Variants in ABHD17C observed in about 807,000 individuals in gnomAD.
The protein encoded by ABHD17C is abhydrolase domain containing 17C, depalmitoylase.
In ABHD17C, 11 loss-of-function variants were observed where a neutral mutation model predicts 27.9. That is an observed-to-expected ratio of 0.39 (90% CI 0.25 to 0.65). ABHD17C has a LOEUF of 0.65. Among genes scored for constraint, ABHD17C ranks in the 30% least tolerant of loss-of-function variants. The pLI is 0.45. For missense variants in ABHD17C, 280 were observed against 470.2 expected (o/e 0.60, Z 3.74); for synonymous variants, 233 against 209.1 (o/e 1.11, Z -0.98).
intron 1 of ABHD17C, among the ~76,000 whole-genome samples, chr15:80,743,199 G>A (rs1895233389): frequency 6.6e-6 from 1 of 152,152 alleles, no homozygotes; most frequent in Non-Finnish European, 1.5e-5. Context: ...GCGCTCAAGT[G>A]GAAGGTTAAC....
intron 1 of ABHD17C, among the ~76,000 whole-genome samples, chr15:80,701,908 G>A (rs1045448318): frequency 1.3e-5 from 2 of 152,130 alleles, no homozygotes; most frequent in Admixed American, 6.5e-5. Context: ...GTTTCCAAGT[G>A]CTCTTTTGTC....
chr15:80,713,898 G>GA (rs1431726402), intron 1 of ABHD17C, among the ~76,000 whole-genome samples: 9 of 87,918 alleles, frequency 1.0e-4, no homozygotes, highest in African/African-American at 3.4e-4. Flanking sequence ...TCCATATACA[G>GA]ACCACACACA....
intron 1 of ABHD17C, among the ~76,000 whole-genome samples, chr15:80,745,551 G>A (rs1228790833): frequency 1.3e-5 from 2 of 152,022 alleles, no homozygotes; most frequent in African/African-American, 4.8e-5. Flanking sequence ...TTATTTTGTG[G>A]AGATGGTGTC....
At chr15:80,751,159 G>A (rs1895359883) in intron 2 of ABHD17C, among the ~76,000 whole-genome samples, 1 of 151,600 alleles carries the variant, frequency 6.6e-6, no homozygotes, top group African/African-American at 2.4e-5. Flanking sequence ...AAACCAGCCT[G>A]GGTAACATGG....
intron 2 of ABHD17C, among the ~76,000 whole-genome samples, chr15:80,752,592 A>T (rs971098867): frequency 6.6e-6 from 1 of 152,224 alleles, no homozygotes; most frequent in African/African-American, 2.4e-5. Context: ...AGTGCAAAGC[A>T]CCCGGCTATG....
chr15:80,750,748 G>C (rs968562013), intron 2 of ABHD17C, among the ~76,000 whole-genome samples: 1 of 152,080 alleles, frequency 6.6e-6, no homozygotes, highest in Admixed American at 6.6e-5. Flanking sequence ...TGCTAAGTAG[G>C]GCTAATGTGC....
Position 80,695,846 on chromosome 15 carries a change from C to A in ABHD17C, c.417C>A (p.His139Gln). 1 of 1,592,584 alleles carries A rather than the reference C, an allele frequency of 6.3e-7. No homozygotes were observed. ...PSSRYTLLFSHGNAVDLGQMC... is the reference protein window; with the variant it reads ...PSSRYTLLFSQGNAVDLGQMC... ...GCCGCTACACGCTGCTCTTCTCGCA[C>A]GGCAACGCCGTGGACCTGGGCCAGA... Residue 139 changes from histidine to glutamine, a missense_variant, in exon 1 of 3, where the codon CAC becomes CAA. Around this residue, in one of 2 missense-constraint regions of ABHD17C, gnomAD observed 206 missense variants for 394.7 expected, o/e 0.52. Coordinates refer to ENST00000258884, the MANE Select transcript of ABHD17C (RefSeq NM_021214.2). The surrounding 1 kb of genome is among the most constrained non-coding windows in gnomAD (Gnocchi z 4.3).
chr15:80,729,126 A>C (rs1410778723), intron 1 of ABHD17C, among the ~76,000 whole-genome samples: 1 of 152,208 alleles, frequency 6.6e-6, no homozygotes. Context: ...TGTGGGCACC[A>C]AAGGTGCATT....
At chr15:80,721,989 C>T (rs1894903466) in intron 1 of ABHD17C, among the ~76,000 whole-genome samples, 1 of 152,094 alleles carries the variant, frequency 6.6e-6, no homozygotes, top group African/African-American at 2.4e-5. Context: ...GTTCAGACTT[C>T]CTATAATTTA....
chr15:80,744,587 G>A (rs970039537), intron 1 of ABHD17C, among the ~76,000 whole-genome samples: 3 of 152,150 alleles, frequency 2.0e-5, no homozygotes, highest in Non-Finnish European at 4.4e-5. Flanking sequence ...GACTTAGCAC[G>A]CTCTTGTTTT....
intron 1 of ABHD17C, among the ~76,000 whole-genome samples, chr15:80,713,849 G>A (rs893580500): frequency 6.6e-6 from 1 of 150,554 alleles, no homozygotes; most frequent in African/African-American, 2.4e-5. Flanking sequence ...ACAGCTGTAT[G>A]GCCTGGGTAG....
intron 1 of ABHD17C, among the ~76,000 whole-genome samples, chr15:80,746,771 C>G (rs746708516): frequency 6.6e-6 from 1 of 152,162 alleles, no homozygotes; most frequent in Non-Finnish European, 1.5e-5. Flanking sequence ...CCTCTTGGGT[C>G]GGTGCCTGTT....
intron 1 of ABHD17C, among the ~76,000 whole-genome samples, chr15:80,700,222 A>T (rs1894552605): frequency 6.6e-6 from 1 of 152,232 alleles, no homozygotes; most frequent in Non-Finnish European, 1.5e-5. Context: ...GACTCAAGAG[A>T]CAGTGAATCA....
chr15:80,710,124 G>T (rs1173164365), intron 1 of ABHD17C, among the ~76,000 whole-genome samples: 1 of 152,176 alleles, frequency 6.6e-6, no homozygotes, highest in East Asian at 1.9e-4. Context: ...TTCAGAGACT[G>T]ACACATGGCC....
intron 1 of ABHD17C, among the ~76,000 whole-genome samples, chr15:80,737,241 A>G (rs1895143803): frequency 6.6e-6 from 1 of 152,162 alleles, no homozygotes; most frequent in South Asian, 2.1e-4. Context: ...GGAGACTTTA[A>G]TTTCTTGTGC....
rs1015796181 is a variant in ABHD17C at position 80,754,654 on chromosome 15, A to G, written c.*284A>G. The G allele has an allele frequency of 1.5e-5, 5 of 336,100 alleles. No homozygotes were observed. The highest frequency in any genetic ancestry group is 8.4e-5 in the African/African-American group (4 of 47,684). The allele number at this position is 336,100 out of a possible 1,614,324, so 20.8% of individuals were successfully genotyped here. Reference sequence around the variant, plus strand: ...GGGACAATTTTCTAGTGCTGTATAAAGTAGCCTCGCATCTGTTTCTCAACC... The same window carrying G: ...GGGACAATTTTCTAGTGCTGTATAAGGTAGCCTCGCATCTGTTTCTCAACC... On this transcript the variant is annotated 3_prime_UTR_variant, in exon 3 of 3. Transcript: ENST00000258884.
rs765275119 is a variant in ABHD17C, at chr15:80,695,772, G to T, written c.343G>T (p.Ala115Ser). 4.5e-6 allele frequency: 7 copies of T among 1,542,712 alleles called. No homozygotes were observed. The African/African-American group carries it at 9.6e-5, about 21-fold the overall frequency. ...DAVEVFFSRT[A>S]RDNRLGCMFV... Reference sequence around the variant, plus strand: ...CGTCGAGGTCTTCTTCTCGCGCACGGCCCGGGACAACCGGCTCGGCTGCAT... The same window carrying T: ...CGTCGAGGTCTTCTTCTCGCGCACGTCCCGGGACAACCGGCTCGGCTGCAT... The change falls in exon 1 of 3, where the codon GCC becomes TCC. Residue 115 changes from alanine (A) to serine (S), a missense_variant. Transcript: ENST00000258884. The surrounding 1 kb of genome is among the most constrained non-coding windows in gnomAD (Gnocchi z 4.3).
intron 1 of ABHD17C, among the ~76,000 whole-genome samples, chr15:80,705,400 C>G (rs1490243864): frequency 8.4e-6 from 1 of 118,984 alleles, no homozygotes; most frequent in East Asian, 2.4e-4. Context: ...TTCAACAGAC[C>G]TGATTTTAGG....
chr15:80,723,711 A>G (rs2141504826), intron 1 of ABHD17C, among the ~76,000 whole-genome samples: 1 of 152,306 alleles, frequency 6.6e-6, no homozygotes, highest in South Asian at 2.1e-4. Flanking sequence ...TTAAAGTCAC[A>G]TTGCCACAGG....
Sources: allele counts gnomAD v4.1 joint callset (sites outside exome capture counted in the v4.1 genomes callset), GRCh38; gene constraint gnomAD v4.1.1; regional missense constraint gnomAD v4.1.1; non-coding constraint Gnocchi (gnomAD v3.1); transcripts MANE v1.5; gene names NCBI Gene and HGNC (gene_info 2026-07-23, HGNC 2026-07-21).